The following PBX3 variants were observed in gnomAD, a reference collection of about 807,000 sequenced individuals.
PBX3 encodes pre-B-cell leukemia transcription factor 3.
A neutral mutation model predicts 48.5 loss-of-function variants in PBX3; 14 were observed. The ratio of observed to expected loss-of-function variants is 0.29; its 90% CI spans 0.19 to 0.45. The LOEUF is 0.45. PBX3 is among the 20% of genes least tolerant of loss of function. The pLI, the probability that PBX3 is intolerant of heterozygous loss-of-function variation, is 1.00. For synonymous variants in PBX3, 210 were observed against 200.3 expected, an observed-to-expected ratio of 1.05 and a Z score of -0.41; for missense variants, 386 against 546.7, an observed-to-expected ratio of 0.71 and a Z score of 2.93.
intron 2 of PBX3, among the ~76,000 whole-genome samples, chr9:125,793,366 A>ATATATATAT (rs1554855766): frequency 0.026 from 2,625 of 101,678 alleles, 42 homozygotes; most frequent in Non-Finnish European, 0.032. Context: ...GGAAAAAAAA[A>ATATATATAT]ATATATATAT....
At position 125,813,579 on chromosome 9, in the gene PBX3, C is replaced by G. The variant is rs192702968; in HGVS notation, c.274+64956C>G. Among the ~76,000 whole-genome samples, 5 of 152,316 alleles carry G rather than the reference C, an allele frequency of 3.3e-5. No individual in the cohort carries two copies. In the East Asian group the frequency reaches 9.6e-4, roughly 29 times the overall value. On this transcript the variant is annotated intron_variant, in intron 2 of 8. Transcript: ENST00000373489. ...ATTAATGTTGGAACCATTGTGTTTG[C>G]AATCCTTCTGGCCAATGAGAGCCCT...
intron 2 of PBX3, among the ~76,000 whole-genome samples, chr9:125,801,929 T>C (rs1028271060): frequency 3.3e-5 from 5 of 152,020 alleles, no homozygotes; most frequent in African/African-American, 1.2e-4. Flanking sequence ...AAATTTATTT[T>C]CGGCTAGGTG....
intron 5 of PBX3, chr9:125,949,469 T>C (rs1246704086): frequency 6.5e-7 from 1 of 1,550,340 alleles, no homozygotes; most frequent in Admixed American, 2.0e-5. Flanking sequence ...CCTGAAGGTA[T>C]GAGCCAGGGA....
At chr9:125,781,275 C>T (rs757764963) in intron 2 of PBX3, among the ~76,000 whole-genome samples, 8 of 151,742 alleles carry the variant, frequency 5.3e-5, no homozygotes, top group Admixed American at 1.3e-4. Flanking sequence ...CCCGGCACCT[C>T]GGGAGGCCAA....
chr9:125,866,070 G>A (rs1052968492), intron 2 of PBX3, among the ~76,000 whole-genome samples: 1 of 150,332 alleles, frequency 6.7e-6, no homozygotes, highest in African/African-American at 2.5e-5. Context: ...TTTGAAAAAA[G>A]CAACGGTCAC....
chr9:125,748,722 C>A, intron 2 of PBX3, 99 bp downstream of exon 2: 2 of 810,920 alleles, frequency 2.5e-6, no homozygotes, highest in Admixed American at 4.5e-5. Context: ...TTTTGGGCAC[C>A]GCCATCTTTG....
At chr9:125,801,143 CCTT>C (rs1220005545) in intron 2 of PBX3, among the ~76,000 whole-genome samples, 1 of 152,104 alleles carries the variant, frequency 6.6e-6, no homozygotes, top group Non-Finnish European at 1.5e-5. Context: ...CTCTGTAGCT[CCTT>C]CTATTATGAA....
intron 2 of PBX3, among the ~76,000 whole-genome samples, chr9:125,794,122 A>C (rs995631933): frequency 6.6e-5 from 10 of 152,222 alleles, no homozygotes; most frequent in Admixed American, 2.0e-4. Context: ...AATGTGGATA[A>C]ATTGAATCGC....
rs1840025318 is a variant in PBX3 at position 125,867,811 on chromosome 9, T to C, written c.275-47875T>C. 2.6e-5 allele frequency among the ~76,000 whole-genome samples: 4 copies of C among 151,824 alleles called. No homozygotes were observed. The South Asian group carries it at 8.3e-4, about 32-fold the overall frequency. ...ATACACACACATATATATACACATATATATATACACATACATATATATATA... is the reference window on the plus strand; with the variant it reads ...ATACACACACATATATATACACATACATATATACACATACATATATATATA... On this transcript the variant is annotated intron_variant, in intron 2 of 8. Transcript: ENST00000373489.
chr9:125,900,430 G>A lies in PBX3; in HGVS notation c.275-15256G>A, dbSNP rs577776178. On this transcript the variant is annotated intron_variant, in intron 2 of 8. Transcript: ENST00000373489. ...ATCTTTTGCTTGGGGTCTGAATAGTGAATTACCTTTAAGATCATTAGAAGC... is the reference window on the plus strand; with the variant it reads ...ATCTTTTGCTTGGGGTCTGAATAGTAAATTACCTTTAAGATCATTAGAAGC... Among the ~76,000 whole-genome samples, 3 of 151,654 alleles carry A rather than the reference G, an allele frequency of 2.0e-5. No individual in the cohort carries two copies. The South Asian group carries it at 6.2e-4, about 31-fold the overall frequency.
At chr9:125,850,393 A>G (rs1839547287) in intron 2 of PBX3, among the ~76,000 whole-genome samples, 1 of 152,094 alleles carries the variant, frequency 6.6e-6, no homozygotes, top group African/African-American at 2.4e-5. Flanking sequence ...GTATCTAGGT[A>G]CACTGGAAGT....
At chr9:125,942,390 A>G (rs1202513591) in intron 5 of PBX3, among the ~76,000 whole-genome samples, 2 of 152,220 alleles carry the variant, frequency 1.3e-5, no homozygotes, top group African/African-American at 2.4e-5. Context: ...ACTCTGGGCT[A>G]GTTAGTAGTC....
intron 2 of PBX3, among the ~76,000 whole-genome samples, chr9:125,763,994 C>T (rs1040317792): frequency 6.6e-6 from 1 of 152,154 alleles, no homozygotes; most frequent in Non-Finnish European, 1.5e-5. Context: ...CTTGTTAGAT[C>T]ATTTCCCTTC....
intron 5 of PBX3, among the ~76,000 whole-genome samples, chr9:125,952,553 T>C (rs979310160): frequency 6.6e-6 from 1 of 152,242 alleles, no homozygotes; most frequent in Non-Finnish European, 1.5e-5. Flanking sequence ...GGAGTTTTTC[T>C]TAAATGCAAA....
intron 2 of PBX3, among the ~76,000 whole-genome samples, chr9:125,913,445 C>T (rs549505572): frequency 6.6e-6 from 1 of 152,112 alleles, no homozygotes; most frequent in East Asian, 1.9e-4. Context: ...TGGATTGCTT[C>T]TTATTGGTAC....
intron 2 of PBX3, among the ~76,000 whole-genome samples, chr9:125,773,375 T>A (rs1836990877): frequency 1.3e-5 from 2 of 152,324 alleles, no homozygotes; most frequent in South Asian, 4.2e-4. Context: ...TTTGACCACC[T>A]CTGAGTCTGC....
intron 2 of PBX3, among the ~76,000 whole-genome samples, chr9:125,883,909 G>A (rs770097514): frequency 2.6e-4 from 39 of 152,188 alleles, no homozygotes; most frequent in Non-Finnish European, 4.4e-4. Flanking sequence ...TGTAAGAGAA[G>A]CACAGAGATT....
chr9:125,829,527 G>A (rs1482005178), intron 2 of PBX3, among the ~76,000 whole-genome samples: 1 of 152,086 alleles, frequency 6.6e-6, no homozygotes, highest in South Asian at 2.1e-4. Flanking sequence ...TTAAACTTTT[G>A]TACATACGTA....
Position 125,794,577 on chromosome 9 carries a change from T to TA in PBX3, c.274+45964dup, listed in dbSNP as rs547008431. ...TCCTATGTCACCATTTTCAATTTATTAAAAAAAAAAGATTCTGAGAACAAA... is the reference window on the plus strand; with the variant it reads ...TCCTATGTCACCATTTTCAATTTATTAAAAAAAAAAAGATTCTGAGAACAAA... On this transcript the variant is annotated intron_variant, in intron 2 of 8. Coordinates refer to ENST00000373489, the MANE Select transcript of PBX3 (RefSeq NM_006195.6). 8.4e-3 allele frequency among the ~76,000 whole-genome samples: 1,236 copies of TA among 147,958 alleles called. 4 individuals carry two copies. The highest frequency in any genetic ancestry group is 0.029 in the Middle Eastern group (8 of 280).
Sources: allele counts gnomAD v4.1 joint callset (sites outside exome capture counted in the v4.1 genomes callset), GRCh38; gene constraint gnomAD v4.1.1; transcripts MANE v1.5; gene names NCBI Gene and HGNC (gene_info 2026-07-23, HGNC 2026-07-21).